UGT1A9: variants seen among roughly 807,000 people sequenced by gnomAD.
UGT1A9 encodes the protein UDP glucuronosyltransferase family 1 member A9.
Under a neutral mutation model 45.0 loss-of-function variants are expected in UGT1A9, and 35 were observed. The ratio of observed to expected loss-of-function variants is 0.78; its 90% confidence interval spans 0.59 to 1.03. The LOEUF is 1.03. UGT1A9 is among the 50% of genes least tolerant of loss of function. UGT1A9 has a pLI of 0.00. For missense variants in UGT1A9, 687 were observed against 666.6 expected (o/e 1.03, Z -0.34); for synonymous variants, 278 against 250.6 (o/e 1.11, Z -1.03).
chr2:233,733,979 A>G (rs1225459712), intron 1 of UGT1A9, among the ~76,000 whole-genome samples: 1 of 152,060 alleles, frequency 6.6e-6, no homozygotes, highest in African/African-American at 2.4e-5. Flanking sequence ...GCGGGGAGGG[A>G]TAGCATTAGG....
chr2:233,682,020 T>A (rs1434831582), intron 1 of UGT1A9: 2 of 1,614,134 alleles, frequency 1.2e-6, no homozygotes. Flanking sequence ...GCAGGGAAGC[T>A]GCTGGTAGTG....
At chr2:233,767,764 C>A (rs1699474752) in intron 2 of UGT1A9, 85 bp from the exon 3 acceptor site, 1 of 1,608,290 alleles carries the variant, frequency 6.2e-7, no homozygotes, top group East Asian at 2.2e-5. Flanking sequence ...TTCAGAGGAC[C>A]CCTGTTTTCT....
At position 233,718,947 on chromosome 2, in the gene UGT1A9, A is replaced by C. The variant is rs771749966; in HGVS notation, c.855+46158A>C. On this transcript the variant is annotated intron_variant, in intron 1 of 4. Coordinates refer to ENST00000354728, the MANE Select transcript of UGT1A9 (RefSeq NM_021027.3). ...GCCCACTGATGGCAGCCCCTGGCTC[A>C]GCATGCGGGAGGCCTTGCGGGAGCT... is the stretch of plus-strand genomic sequence containing the variant. The C allele has an allele frequency of 3.1e-6, 5 of 1,613,894 alleles. No homozygotes were observed. The Admixed American group carries it at 6.7e-5, about 22-fold the overall frequency.
chr2:233,704,212 A>G (rs533742859), intron 1 of UGT1A9, among the ~76,000 whole-genome samples: 2 of 141,756 alleles, frequency 1.4e-5, no homozygotes, highest in East Asian at 4.1e-4. Flanking sequence ...TTTATGCTCT[A>G]TATCTCTCAT....
chr2:233,716,022 C>A (rs1245337561), intron 1 of UGT1A9, among the ~76,000 whole-genome samples: 2 of 152,150 alleles, frequency 1.3e-5, no homozygotes, highest in African/African-American at 2.4e-5. Context: ...CTGATAGTTT[C>A]TTTTGATGTC....
At chr2:233,718,197 C>CT (rs1159094218) in intron 1 of UGT1A9, among the ~76,000 whole-genome samples, 6 of 152,152 alleles carry the variant, frequency 3.9e-5, no homozygotes, top group East Asian at 1.9e-4. Flanking sequence ...CTCCCCGGAG[C>CT]TTTTTTTTAT....
intron 1 of UGT1A9, among the ~76,000 whole-genome samples, chr2:233,709,149 T>G (rs2076060708): frequency 6.6e-6 from 1 of 152,102 alleles, no homozygotes; most frequent in Non-Finnish European, 1.5e-5. Flanking sequence ...ACGTGCTGAT[T>G]GGTTGAGGCC....
chr2:233,755,381 T>A (rs759849144), intron 1 of UGT1A9: 1 of 348,720 alleles, frequency 2.9e-6, no homozygotes, highest in Non-Finnish European at 5.6e-6. Flanking sequence ...GGCCGCCCCT[T>A]ATGACGCAGC....
intron 1 of UGT1A9, chr2:233,747,125 G>A (rs1221297675): frequency 2.0e-6 from 3 of 1,497,444 alleles, no homozygotes; most frequent in Admixed American, 3.8e-5. Flanking sequence ...TTGCTAAGTG[G>A]CTCAGTGACA....
At chr2:233,729,022 G>A (rs1236460241) in intron 1 of UGT1A9, 8 of 1,594,664 alleles carry the variant, frequency 5.0e-6, no homozygotes, top group South Asian at 4.6e-5. Flanking sequence ...CCAATTACAC[G>A]TTGATTTGCT....
intron 1 of UGT1A9, chr2:233,743,822 G>A (rs764939970): frequency 2.6e-5 from 36 of 1,367,122 alleles, no homozygotes; most frequent in Admixed American, 3.8e-5. Context: ...GTTTTTGTCG[G>A]GGTGCCACTT....
rs114000345 is a variant in UGT1A9 at position 233,767,118 on chromosome 2, A to G, written c.940A>G (p.Lys314Glu). 1.2e-6 allele frequency: 2 copies of G among 1,614,162 alleles called. No homozygotes were observed. The highest frequency in any genetic ancestry group is 2.2e-5 in the East Asian group (1 of 44,866). The change falls in exon 2 of 5, where the codon AAG becomes GAG. Residue 314 changes from lysine (K) to glutamate (E), a missense_variant. Transcript: ENST00000354728. ...ATCAATGGTCTCAGAAATTCCAGAG[A>G]AGAAAGCTATGGCAATTGCTGATGC... is the stretch of plus-strand genomic sequence containing the variant. ...LGSMVSEIPE[K>E]KAMAIADALG...
intron 1 of UGT1A9, among the ~76,000 whole-genome samples, chr2:233,684,234 T>C (rs1318494305): frequency 6.6e-6 from 1 of 152,216 alleles, no homozygotes; most frequent in Non-Finnish European, 1.5e-5. Flanking sequence ...AAGCGCTTTC[T>C]AAAAATCAGG....
intron 4 of UGT1A9, chr2:233,771,316 C>G (rs936355212): frequency 6.6e-6 from 1 of 152,132 alleles, no homozygotes; most frequent in Non-Finnish European, 1.5e-5. Context: ...TTTCCCTCTC[C>G]TCTTCAATCT....
At position 233,719,392 on chromosome 2, in the gene UGT1A9, C is replaced by T. The variant is rs776862495; in HGVS notation, c.855+46603C>T. The T allele has an allele frequency of 4.8e-5, 78 of 1,613,868 alleles. 1 individual carries two copies. Among genetic ancestry groups the T allele is most frequent in the Non-Finnish European group, 6.4e-5 (75 of 1,179,882 alleles). On this transcript the variant is annotated intron_variant, in intron 1 of 4. Coordinates refer to ENST00000354728, the MANE Select transcript of UGT1A9 (RefSeq NM_021027.3). Reference sequence around the variant, plus strand: ...AAGGGCACACAGTGTCCAAATCCTTCCTCCTATATTCCTAAGTTACTAACG... The same window carrying T: ...AAGGGCACACAGTGTCCAAATCCTTTCTCCTATATTCCTAAGTTACTAACG...
At chr2:233,732,150 T>C (rs1356402869) in intron 1 of UGT1A9, among the ~76,000 whole-genome samples, 1 of 152,152 alleles carries the variant, frequency 6.6e-6, no homozygotes. Flanking sequence ...GTTTTTTTTC[T>C]TGTAAATTTG....
intron 1 of UGT1A9, among the ~76,000 whole-genome samples, chr2:233,698,365 C>T (rs1046100549): frequency 1.3e-5 from 2 of 152,148 alleles, no homozygotes; most frequent in African/African-American, 4.8e-5. Context: ...TGCTGAATGC[C>T]ATGAAATTGT....
At chr2:233,729,131 C>A (rs1449948739) in intron 1 of UGT1A9, 2 of 1,613,182 alleles carry the variant, frequency 1.2e-6, no homozygotes, top group East Asian at 4.5e-5. Context: ...GCTGAGATGG[C>A]CACAGGACTC....
At chr2:233,748,952 T>TC (rs753200268) in intron 1 of UGT1A9, among the ~76,000 whole-genome samples, 4 of 151,666 alleles carry the variant, frequency 2.6e-5, no homozygotes, top group South Asian at 2.1e-4. Flanking sequence ...CCTATCCCAC[T>TC]CCAAGTTTCT....
Sources: gnomAD v4.1 joint callset for allele counts (sites outside exome capture counted in the v4.1 genomes callset) on GRCh38, gnomAD v4.1.1 for gene constraint, MANE v1.5 for transcripts, NCBI Gene and HGNC (gene_info 2026-07-23, HGNC 2026-07-21) for gene names.